MRPS5: variants seen among roughly 807,000 people sequenced by gnomAD.
The protein encoded by MRPS5 is mitochondrial ribosomal protein S5.
Under a neutral mutation model 51.9 loss-of-function variants are expected in MRPS5, and 27 were observed. That is an observed-to-expected ratio of 0.52 (90% CI 0.38 to 0.72). The LOEUF (loss-of-function observed/expected upper bound fraction) is 0.72. MRPS5 is among the 30% of genes least tolerant of loss of function. MRPS5 has a pLI of 0.00. For missense variants in MRPS5, 570 were observed against 545.7 expected, an observed-to-expected ratio of 1.04 and a Z score of -0.44; for synonymous variants, 196 against 193.2, an observed-to-expected ratio of 1.01 and a Z score of -0.12.
chr2:95,113,883 AGGC>A, intron 3 of MRPS5, among the ~76,000 whole-genome samples: 1 of 152,008 alleles, frequency 6.6e-6, no homozygotes, highest in African/African-American at 2.4e-5. Flanking sequence ...GCACTTTGGG[AGGC>A]TGAGGCAGGT....
intron 3 of MRPS5, among the ~76,000 whole-genome samples, chr2:95,113,619 A>G (rs1418230274): frequency 6.6e-6 from 1 of 152,134 alleles, no homozygotes; most frequent in Non-Finnish European, 1.5e-5. Flanking sequence ...AACTCTATCC[A>G]TCTCTCTTTT....
chr2:95,110,073 C>G, intron 3 of MRPS5, 32 bp from the exon 4 acceptor site: 2 of 1,597,728 alleles, frequency 1.3e-6, no homozygotes, highest in African/African-American at 1.4e-5. Context: ...TTTCTTAATT[C>G]TGTAGTTTTC....
rs1675266987 is a variant in MRPS5 at position 95,085,621 on chromosome 2, C to G, written c.*1736G>C. ...CCCACGGTGCCATTAGGGTGCTCCT[C>G]CTACTTCCAGCAGAAAGGCCTCAGC... On this transcript the variant is annotated 3_prime_UTR_variant, in exon 12 of 12. Coordinates refer to ENST00000272418, the MANE Select transcript of MRPS5 (RefSeq NM_031902.5). 6.6e-6 allele frequency among the ~76,000 whole-genome samples: 1 copy of G among 152,170 alleles called. No individual in the cohort carries two copies. Among genetic ancestry groups the G allele is most frequent in the African/African-American group, 2.4e-5 (1 of 41,450 alleles).
At chr2:95,111,539 GA>G (rs1676117239) in intron 3 of MRPS5, among the ~76,000 whole-genome samples, 1 of 151,976 alleles carries the variant, frequency 6.6e-6, no homozygotes, top group Non-Finnish European at 1.5e-5. Flanking sequence ...ATAGTAAGAG[GA>G]AAATAAAATA....
chr2:95,108,350 C>A lies in MRPS5; in HGVS notation c.462G>T (p.Val154=). Residue 154 remains valine (V), a synonymous_variant, in exon 5 of 12, where the codon GTG becomes GTT. Coordinates refer to ENST00000272418, the MANE Select transcript of MRPS5 (RefSeq NM_031902.5). ...CCTTGCTTCTTTGGGCAATGGTCTG[C>A]ACTGCTCCATTTTTCATAAGAGGGA... ...LNVPLMKNGA[V]QTIAQRSKEE... is the part of the protein sequence containing the mutation. The A allele has an allele frequency of 6.2e-7, 1 of 1,614,166 alleles. No individual in the cohort carries two copies.
rs775690998 is a variant in MRPS5 at position 95,087,355 on chromosome 2, G to C, written c.*2C>G. 1 of 1,613,674 alleles carries C rather than the reference G, an allele frequency of 6.2e-7. No individual in the cohort carries two copies. Among genetic ancestry groups the C allele is most frequent in the African/African-American group, 1.3e-5 (1 of 74,924 alleles). On this transcript the variant is annotated 3_prime_UTR_variant, in exon 12 of 12. Transcript: ENST00000272418. ...GGAACTGGCTGCACAAGGCCAGAGA[G>C]GTTACGTGGCGGCTCTCTTCAAATT...
At chr2:95,103,207 TCTGA>T (rs1675853002) in intron 7 of MRPS5, among the ~76,000 whole-genome samples, 1 of 152,132 alleles carries the variant, frequency 6.6e-6, no homozygotes, top group Non-Finnish European at 1.5e-5. Context: ...AGTCAAAATA[TCTGA>T]CTAAGGGCTA....
intron 7 of MRPS5, among the ~76,000 whole-genome samples, chr2:95,102,883 G>A (rs1034790225): frequency 3.9e-5 from 6 of 152,132 alleles, no homozygotes; most frequent in Non-Finnish European, 5.9e-5. Flanking sequence ...TTTGAACAAC[G>A]TATTTTGTTT....
chr2:95,094,935 C>G (rs1324198589), intron 10 of MRPS5, among the ~76,000 whole-genome samples: 1 of 152,122 alleles, frequency 6.6e-6, no homozygotes, highest in Non-Finnish European at 1.5e-5. Context: ...CATAGACTGG[C>G]AAATTGGATG....
chr2:95,089,994 G>A (rs534715287), intron 11 of MRPS5, among the ~76,000 whole-genome samples: 219 of 151,412 alleles, frequency 1.4e-3, no homozygotes, highest in African/African-American at 4.7e-3. Flanking sequence ...CGGCTAAAAC[G>A]GTGAAACCCC....
In MRPS5 at chr2:95,108,271, G is replaced by C. The variant is rs761781861; in HGVS notation, c.541C>G (p.Arg181Gly). Reference protein sequence around the residue: ...DMIQQREEWDRKKKMKVKRER... With the variant: ...DMIQQREEWDGKKKMKVKRER... ...CGTTTAACCTTCATCTTCTTCTTTCGGTCCCACTCTTCTCTCTGCTGGATC... is the reference window on the plus strand; with the variant it reads ...CGTTTAACCTTCATCTTCTTCTTTCCGTCCCACTCTTCTCTCTGCTGGATC... Residue 181 changes from arginine (R) to glycine (G), a missense_variant, in exon 5 of 12, where the codon CGA (arginine) becomes GGA (glycine). Transcript: ENST00000272418. 1.9e-6 allele frequency: 3 copies of C among 1,613,802 alleles called. No individual in the cohort carries two copies. Among genetic ancestry groups the C allele is most frequent in the East Asian group, 2.2e-5 (1 of 44,884 alleles).
chr2:95,106,344 G>C, intron 6 of MRPS5, 79 bp downstream of exon 6: 1 of 1,139,792 alleles, frequency 8.8e-7, no homozygotes, highest in South Asian at 1.2e-5. Context: ...TTCCCTTACA[G>C]TTCCTCTTGC....
chr2:95,115,290 A>T, intron 2 of MRPS5, 87 bp from the exon 3 acceptor site: 1 of 1,227,078 alleles, frequency 8.1e-7, no homozygotes, highest in Non-Finnish European at 1.1e-6. Context: ...TACTAACAAA[A>T]ATAAGTCACT....
At chr2:95,096,461 C>A (rs1675630612) in intron 10 of MRPS5, among the ~76,000 whole-genome samples, 1 of 152,194 alleles carries the variant, frequency 6.6e-6, no homozygotes, top group Admixed American at 6.5e-5. Context: ...CAAACCAAAT[C>A]CAGCAGCACA....
chr2:95,114,498 C>T (rs1047397691), intron 3 of MRPS5, among the ~76,000 whole-genome samples: 6 of 152,090 alleles, frequency 3.9e-5, no homozygotes, highest in African/African-American at 1.4e-4. Flanking sequence ...GTCTTGATCT[C>T]CTGACCTTGT....
intron 5 of MRPS5, among the ~76,000 whole-genome samples, chr2:95,107,628 T>TA (rs1206318915): frequency 1.3e-5 from 2 of 152,226 alleles, no homozygotes; most frequent in African/African-American, 4.8e-5. Flanking sequence ...GCGAAACTCT[T>TA]ACCTATTTCC....
At chr2:95,099,236 T>TAA (rs957057351) in intron 10 of MRPS5, among the ~76,000 whole-genome samples, 1 of 142,338 alleles carries the variant, frequency 7.0e-6, no homozygotes, top group African/African-American at 2.6e-5. Flanking sequence ...TTTTTAAAAT[T>TAA]AAAAAAAAAA....
chr2:95,106,599 C>G (rs1365017428), intron 5 of MRPS5, 142 bp from the exon 6 acceptor site: 1 of 698,956 alleles, frequency 1.4e-6, no homozygotes, highest in Admixed American at 2.1e-5. Flanking sequence ...AGGCCATGCC[C>G]CAGTCACCCC....
chr2:95,086,247 A>G lies in MRPS5; in HGVS notation c.*1110T>C, dbSNP rs935829627. ...TGACAAAGATTTTAAAGCAGCCACC[A>G]TAAAAATGCTTCAGTGAGCAATTAT... On this transcript the variant is annotated 3_prime_UTR_variant, in exon 12 of 12. Coordinates refer to ENST00000272418, the MANE Select transcript of MRPS5 (RefSeq NM_031902.5). Among the ~76,000 whole-genome samples, 1 of 152,224 alleles carries G rather than the reference A, an allele frequency of 6.6e-6. No individual in the cohort carries two copies. The highest frequency in any genetic ancestry group is 2.4e-5 in the African/African-American group (1 of 41,456).
Sources: allele counts gnomAD v4.1 joint callset (sites outside exome capture counted in the v4.1 genomes callset), GRCh38; gene constraint gnomAD v4.1.1; transcripts MANE v1.5; gene names NCBI Gene and HGNC (gene_info 2026-07-23, HGNC 2026-07-21).